The following RBBP8NL variants were observed in gnomAD, a reference collection of about 807,000 sequenced individuals.
The protein encoded by RBBP8NL is RBBP8 N-terminal like.
In RBBP8NL, 59 loss-of-function variants were observed where a neutral mutation model predicts 62.2. The ratio of observed to expected loss-of-function variants is 0.95; its 90% CI spans 0.77 to 1.18. The LOEUF is 1.18. Ranked by LOEUF, RBBP8NL falls within the 50% of genes most tolerant of loss-of-function variation. The probability of loss-of-function intolerance (pLI) is 0.00; values close to 1 mark genes in which losing one functional copy is unlikely to be tolerated. For missense variants in RBBP8NL, 896 were observed against 899.5 expected (o/e 1.00, Z 0.05); for synonymous variants, 412 against 394.1 (o/e 1.05, Z -0.54).
rs922066291 is a variant in RBBP8NL at position 62,417,404 on chromosome 20, G to A, written c.105-85C>T. Reference sequence around the variant, plus strand: ...CCACCATCCAGCCTGGGGGGGCAGCGCGATTCGGCACCTGCAGCCTTGGTC... The same window carrying A: ...CCACCATCCAGCCTGGGGGGGCAGCACGATTCGGCACCTGCAGCCTTGGTC... On this transcript the variant is annotated intron_variant, in intron 3 of 13. Transcript: ENST00000252998. The A allele has an allele frequency of 3.7e-5, 41 of 1,098,072 alleles. No homozygotes were observed. The East Asian group carries it at 3.9e-4, about 10-fold the overall frequency. The allele number at this position is 1,098,072 out of a possible 1,614,324, so 68.0% of individuals were successfully genotyped here.
At chr20:62,420,976 C>T (rs1988684545) in intron 1 of RBBP8NL, among the ~76,000 whole-genome samples, 1 of 152,252 alleles carries the variant, frequency 6.6e-6, no homozygotes, top group Non-Finnish European at 1.5e-5. Context: ...TTCCCAGTGG[C>T]CTGGAGAGCT....
At chr20:62,424,604 C>A (rs1300574095) in intron 1 of RBBP8NL, among the ~76,000 whole-genome samples, 1 of 152,194 alleles carries the variant, frequency 6.6e-6, no homozygotes, top group East Asian at 1.9e-4. Flanking sequence ...GCCTCTTATC[C>A]CCCGGACAGG....
At chr20:62,415,396 C>T in intron 8 of RBBP8NL, 109 bp from the exon 9 acceptor site, 1 of 1,407,260 alleles carries the variant, frequency 7.1e-7, no homozygotes, top group African/African-American at 1.4e-5. Context: ...TGCCCCTGCT[C>T]ACTGCTGAGC....
chr20:62,427,224 T>C (rs1988830439), intron 1 of RBBP8NL, among the ~76,000 whole-genome samples: 1 of 152,184 alleles, frequency 6.6e-6, no homozygotes, highest in Non-Finnish European at 1.5e-5. Context: ...AGGCCTGGCC[T>C]CTTTGCACCC....
At chr20:62,419,934 G>A (rs6121583) in intron 1 of RBBP8NL, among the ~76,000 whole-genome samples, 10,895 of 152,236 alleles carry the variant, frequency 0.072, 1,249 homozygotes, top group African/African-American at 0.24. Context: ...CCTCCCACAC[G>A]TATGTGGCCG....
intron 6 of RBBP8NL, 29 bp from the exon 7 acceptor site, chr20:62,415,974 G>A (rs1403930839): frequency 1.3e-6 from 2 of 1,502,624 alleles, no homozygotes; most frequent in East Asian, 2.5e-5. Flanking sequence ...CAGGGAGGGT[G>A]AGGGAGAGCA....
At chr20:62,424,010 C>T (rs1988758202) in intron 1 of RBBP8NL, among the ~76,000 whole-genome samples, 1 of 151,442 alleles carries the variant, frequency 6.6e-6, no homozygotes, top group Non-Finnish European at 1.5e-5. Context: ...AGGAGGGTCT[C>T]CTCCAGGCCT....
Position 62,413,536 on chromosome 20 carries a change from G to T in RBBP8NL, c.1540C>A (p.Arg514Ser), listed in dbSNP as rs144707561. ...EEASTPMDPS[R>S]PLPGSQLSLS... ...CTGAGCTGGGACCCTGGAAGTGGGC[G>T]TGAGGGGTCCTGGGGGGAGGCAAGT... Residue 514 changes from arginine to serine, a missense_variant, in exon 11 of 14, where the codon CGC (arginine) becomes AGC (serine). Coordinates refer to ENST00000252998, the MANE Select transcript of RBBP8NL (RefSeq NM_080833.3). 342 of 1,524,014 alleles carry T rather than the reference G, an allele frequency of 2.2e-4. 1 individual carries two copies. In the African/African-American group the frequency reaches 4.6e-3, roughly 21 times the overall value. The allele number at this position is 1,524,014 out of a possible 1,614,324, so 94.4% of individuals were successfully genotyped here. A position where few individuals can be genotyped will look rare whatever the true frequency, so the allele number is the denominator to read the frequency against.
intron 8 of RBBP8NL, 27 bp from the exon 9 acceptor site, chr20:62,415,314 G>T: frequency 6.5e-7 from 1 of 1,550,164 alleles, no homozygotes; most frequent in South Asian, 1.2e-5. Context: ...GTCAGCCTGG[G>T]CGGGGGCATG....
At chr20:62,414,691 C>T in intron 9 of RBBP8NL, 135 bp from the exon 10 acceptor site, 1 of 1,005,062 alleles carries the variant, frequency 9.9e-7, no homozygotes, top group Non-Finnish European at 1.3e-6. Flanking sequence ...CAGCAAGCTG[C>T]ATGGGTCCCA....
At chr20:62,426,030 A>G (rs1046743379) in intron 1 of RBBP8NL, among the ~76,000 whole-genome samples, 5 of 142,178 alleles carry the variant, frequency 3.5e-5, no homozygotes, top group South Asian at 2.2e-4. Context: ...CAGTGGCATT[A>G]GCAGTGGCAG....
rs936283737 is a variant in RBBP8NL, at chr20:62,425,229, G to A, written c.-84+2231C>T. Among the ~76,000 whole-genome samples, 5 of 152,292 alleles carry A rather than the reference G, an allele frequency of 3.3e-5. No individual in the cohort carries two copies. The South Asian group carries it at 8.3e-4, about 25-fold the overall frequency. ...CACCTGCGCCTCCCTCATGACCTGC[G>A]CCTCCCTCATGTGGGACCCCAGGTG... On this transcript the variant is annotated intron_variant, in intron 1 of 13. Coordinates refer to ENST00000252998, the MANE Select transcript of RBBP8NL (RefSeq NM_080833.3).
chr20:62,416,059 C>T (rs1401284666), intron 6 of RBBP8NL, 105 bp downstream of exon 6: 5 of 1,470,524 alleles, frequency 3.4e-6, no homozygotes, highest in Non-Finnish European at 4.6e-6. Flanking sequence ...CCCGACACTG[C>T]CTGAGAGTCC....
chr20:62,422,611 G>A (rs111975420), intron 1 of RBBP8NL, among the ~76,000 whole-genome samples: 10 of 54,412 alleles, frequency 1.8e-4, no homozygotes, highest in African/African-American at 3.3e-4. Flanking sequence ...CTGGGGTGGG[G>A]ATGGGGCCCG....
intron 1 of RBBP8NL, among the ~76,000 whole-genome samples, chr20:62,427,010 G>T (rs1403639796): frequency 6.6e-6 from 1 of 152,222 alleles, no homozygotes. Context: ...CACAGCGGCA[G>T]AGGAGTCCCC....
intron 13 of RBBP8NL, among the ~76,000 whole-genome samples, chr20:62,411,492 A>G (rs1162277284): frequency 6.6e-6 from 1 of 152,212 alleles, no homozygotes; most frequent in Non-Finnish European, 1.5e-5. Flanking sequence ...CAGACCTGTG[A>G]CCTTGGGCAA....
intron 2 of RBBP8NL, among the ~76,000 whole-genome samples, chr20:62,418,956 G>C (rs1458592526): frequency 6.6e-6 from 1 of 152,190 alleles, no homozygotes; most frequent in East Asian, 1.9e-4. Context: ...ACCTCCAGGT[G>C]GGTGTGGGTG....
chr20:62,416,098 G>T (rs1988558384), intron 6 of RBBP8NL, 66 bp downstream of exon 6: 1 of 1,517,082 alleles, frequency 6.6e-7, no homozygotes, highest in South Asian at 1.2e-5. Flanking sequence ...AGGGACGTGT[G>T]CTGGGTGCTG....
At chr20:62,418,569 C>T (rs934471894) in intron 2 of RBBP8NL, 104 bp from the exon 3 acceptor site, 2 of 1,143,892 alleles carry the variant, frequency 1.7e-6, no homozygotes, top group Non-Finnish European at 2.6e-6. Flanking sequence ...GCACTCCTGT[C>T]CCCTGCACCC....
Sources: allele counts gnomAD v4.1 joint callset (sites outside exome capture counted in the v4.1 genomes callset), GRCh38; gene constraint gnomAD v4.1.1; transcripts MANE v1.5; gene names NCBI Gene and HGNC (gene_info 2026-07-23, HGNC 2026-07-21).